The following POLR2B variants were observed in gnomAD, a reference collection of about 807,000 sequenced individuals.
POLR2B encodes RNA polymerase II subunit B, also known as DNA-directed RNA polymerase II subunit RPB2.
A neutral mutation model predicts 144.6 loss-of-function variants in POLR2B; 57 were observed. That is an observed-to-expected ratio of 0.39 (90% CI 0.32 to 0.49). The LOEUF (loss-of-function observed/expected upper bound fraction) is 0.49, where lower values mean the gene tolerates loss of function less well. Ranked by LOEUF, POLR2B falls within the 20% of genes least tolerant of loss-of-function variation. The pLI, the probability that POLR2B is intolerant of heterozygous loss-of-function variation, is 0.83. For missense variants in POLR2B, 595 were observed against 1,467.4 expected, an observed-to-expected ratio of 0.41 and a Z score of 9.71; for synonymous variants, 442 against 469.8, an observed-to-expected ratio of 0.94 and a Z score of 0.77.
intron 7 of POLR2B, chr4:57,002,871 A>G (rs549769265): frequency 6.6e-6 from 1 of 152,258 alleles, no homozygotes; most frequent in Non-Finnish European, 1.5e-5. Flanking sequence ...ATAAAAAGAC[A>G]TAGGAAATCA....
chr4:57,025,011 C>T lies in POLR2B; in HGVS notation c.3078+12C>T, dbSNP rs759434372. On this transcript the variant is annotated intron_variant, in intron 22 of 24. Transcript: ENST00000314595. ...TCAGAGGAAATGAGGTATATTTGCT[C>T]TTATAGTAGTAATTTGCCACTTGTT... The T allele has an allele frequency of 7.8e-7, 1 of 1,281,604 alleles. No individual in the cohort carries two copies. Among genetic ancestry groups the T allele is most frequent in the South Asian group, 1.3e-5 (1 of 77,910 alleles). 79.4% of individuals were successfully genotyped at this position (1,281,604 alleles called of 1,614,324 possible).
chr4:56,987,271 T>A (rs1722362526), intron 2 of POLR2B, among the ~76,000 whole-genome samples: 9 of 152,212 alleles, frequency 5.9e-5, no homozygotes, highest in Admixed American at 5.9e-4. Context: ...TTGTATTTCA[T>A]TCCAAATTCC....
At chr4:57,001,145 C>CT (rs1480200410) in intron 7 of POLR2B, among the ~76,000 whole-genome samples, 1 of 152,018 alleles carries the variant, frequency 6.6e-6, no homozygotes, top group East Asian at 1.9e-4. Context: ...GATTATATGT[C>CT]TTTTTAGTCT....
rs1023150121 is a variant in POLR2B, at chr4:57,007,542, A to C, written c.1404+540A>C. On this transcript the variant is annotated intron_variant, in intron 10 of 24. Coordinates refer to ENST00000314595, the MANE Select transcript of POLR2B (RefSeq NM_000938.3). ...TTTAGAAACTCAAAGTAATTAAAAA[A>C]TTAGAGTAGCTGCTTAGTGGGTGAG... 5.8e-4 allele frequency among the ~76,000 whole-genome samples: 89 copies of C among 152,374 alleles called. 1 individual carries two copies. The highest frequency in any genetic ancestry group is 2.0e-3 in the African/African-American group (82 of 41,598).
chr4:57,014,797 C>T (rs976563441), intron 13 of POLR2B, among the ~76,000 whole-genome samples: 2 of 152,156 alleles, frequency 1.3e-5, no homozygotes, highest in Admixed American at 6.5e-5. Flanking sequence ...GCCACCGTGC[C>T]TGGTCTTTAA....
At chr4:56,994,986 G>A in intron 5 of POLR2B, 120 bp downstream of exon 5, 1 of 701,694 alleles carries the variant, frequency 1.4e-6, no homozygotes, top group Non-Finnish European at 2.3e-6. Flanking sequence ...GGCACTGACA[G>A]TTGACTTGTT....
intron 23 of POLR2B, among the ~76,000 whole-genome samples, chr4:57,026,423 A>T (rs1455710367): frequency 6.6e-6 from 1 of 152,086 alleles, no homozygotes; most frequent in Non-Finnish European, 1.5e-5. Flanking sequence ...AATTTCTCCT[A>T]TAAATTTTTC....
intron 13 of POLR2B, among the ~76,000 whole-genome samples, chr4:57,012,416 T>TA (rs71913668): frequency 6.7e-6 from 1 of 148,778 alleles, no homozygotes; most frequent in South Asian, 2.1e-4. Context: ...AAAAATTTAT[T>TA]AAAAAAAAAA....
Position 56,982,472 on chromosome 4 carries a change from T to G in POLR2B, c.19+3468T>G, listed in dbSNP as rs1260287164. 2.6e-5 allele frequency among the ~76,000 whole-genome samples: 4 copies of G among 152,064 alleles called. No homozygotes were observed. In the East Asian group the frequency reaches 7.7e-4, roughly 29 times the overall value. On this transcript the variant is annotated intron_variant, in intron 1 of 24. Transcript: ENST00000314595. ...CTGTGATCCCAGCTCCTCGGGATAC[T>G]GAGGTGGGAGGACTGCTTGAGCCCT...
intron 6 of POLR2B, 110 bp from the exon 7 acceptor site, chr4:56,999,507 C>G: frequency 1.6e-6 from 1 of 643,676 alleles, no homozygotes. Flanking sequence ...AGGCGTGCTT[C>G]TTTTGAAATG....
In POLR2B at chr4:57,017,196, C is replaced by T. The variant is rs1420673646; in HGVS notation, c.2109C>T (p.Ile703=). Residue 703 remains isoleucine, a synonymous_variant, in exon 15 of 25, where the codon ATC becomes ATT. Coordinates refer to ENST00000314595, the MANE Select transcript of POLR2B (RefSeq NM_000938.3). This position sits in a 1 kb window ranked among gnomAD's most constrained non-coding sequence, Gnocchi z 4.8. ...ACTGTGAGATTCATCCCTCAATGAT[C>T]CTTGGTGTCTGTGCATCTATTATTC... ...YTHCEIHPSM[I]LGVCASIIPF... The T allele has an allele frequency of 2.5e-6, 4 of 1,613,028 alleles. No individual in the cohort carries two copies. The highest frequency in any genetic ancestry group is 2.2e-5 in the East Asian group (1 of 44,840).
chr4:57,016,900 CTA>C (rs895033977), intron 14 of POLR2B, 141 bp from the exon 15 acceptor site: 177 of 236,012 alleles, frequency 7.5e-4, no homozygotes, highest in East Asian at 1.1e-3. Context: ...TAATATTAAA[CTA>C]TATATATATA....
chr4:57,017,652 T>C lies in POLR2B; in HGVS notation c.2247T>C (p.His749=). ...ATGTTCGCATGGACACATTGGCCCA[T>C]GTTCTCTATTATCCTCAAAAGCCAC... ...NFHVRMDTLA[H]VLYYPQKPLV... Residue 749 remains histidine (H), a synonymous_variant, in exon 16 of 25, where the codon CAT becomes CAC. Coordinates refer to ENST00000314595, the MANE Select transcript of POLR2B (RefSeq NM_000938.3). This position sits in a 1 kb window ranked among gnomAD's most constrained non-coding sequence, Gnocchi z 4.8. 1 of 1,613,676 alleles carries C rather than the reference T, an allele frequency of 6.2e-7. No homozygotes were observed. The highest frequency in any genetic ancestry group is 8.5e-7 in the Non-Finnish European group (1 of 1,179,600).
intron 14 of POLR2B, 110 bp from the exon 15 acceptor site, chr4:57,016,933 A>G (rs983149688): frequency 1.8e-5 from 5 of 283,428 alleles, no homozygotes; most frequent in Non-Finnish European, 3.2e-5. Flanking sequence ...TGTATATTTA[A>G]TATATAATAT....
intron 3 of POLR2B, 55 bp downstream of exon 3, chr4:56,990,953 T>C (rs763033040): frequency 6.8e-7 from 1 of 1,481,408 alleles, no homozygotes; most frequent in African/African-American, 1.4e-5. Flanking sequence ...TTTGAAATTT[T>C]AGCCCTTCTC....
rs182640643 is a variant in POLR2B at position 56,994,135 on chromosome 4, T to C, written c.244-269T>C. Among the ~76,000 whole-genome samples the C allele has an allele frequency of 5.3e-5, 8 of 152,258 alleles. No homozygotes were observed. In the East Asian group the frequency reaches 1.5e-3, roughly 29 times the overall value. ...TGTGAGATGTGCCTTCCTTAAACCT[T>C]GTTACAAACCTTGTTAGCACATTAC... On this transcript the variant is annotated intron_variant, in intron 3 of 24. Coordinates refer to ENST00000314595, the MANE Select transcript of POLR2B (RefSeq NM_000938.3).
intron 2 of POLR2B, among the ~76,000 whole-genome samples, chr4:56,988,812 G>A (rs1292724847): frequency 2.6e-5 from 4 of 152,190 alleles, no homozygotes; most frequent in Admixed American, 1.3e-4. Flanking sequence ...CCAGGTAGAT[G>A]TTCTGTGGAG....
chr4:57,029,475 T>C (rs1386532793), intron 23 of POLR2B, among the ~76,000 whole-genome samples: 1 of 152,328 alleles, frequency 6.6e-6, no homozygotes, highest in East Asian at 1.9e-4. Context: ...TTTTTTTGTT[T>C]TGGTGGAATA....
chr4:56,990,979 G>T, intron 3 of POLR2B, 81 bp downstream of exon 3: 1 of 1,199,590 alleles, frequency 8.3e-7, no homozygotes. Context: ...TGGCTTAAAG[G>T]TTAAAAAAAG....
Sources: gnomAD v4.1 joint callset for allele counts (sites outside exome capture counted in the v4.1 genomes callset) on GRCh38, gnomAD v4.1.1 for gene constraint, Gnocchi (gnomAD v3.1) non-coding constraint, MANE v1.5 for transcripts, NCBI Gene and HGNC (gene_info 2026-07-23, HGNC 2026-07-21) for gene names.